DDB2: variants seen among roughly 807,000 people sequenced by gnomAD.
The protein encoded by DDB2 is damage specific DNA binding protein 2.
In DDB2, 27 loss-of-function variants were observed where a neutral mutation model predicts 50.5. The observed-to-expected ratio is 0.53, with a 90% confidence interval of 0.39 to 0.74. The LOEUF (loss-of-function observed/expected upper bound fraction) is 0.74, where lower values mean the gene tolerates loss of function less well. DDB2 is among the 30% of genes least tolerant of loss of function. The probability of loss-of-function intolerance (pLI) is 0.00; values close to 1 mark genes in which losing one functional copy is unlikely to be tolerated. For missense variants in DDB2, 424 were observed against 545.6 expected (o/e 0.78, Z 2.22); for synonymous variants, 176 against 205.5 (o/e 0.86, Z 1.23).
intron 3 of DDB2, among the ~76,000 whole-genome samples, chr11:47,230,170 A>G (rs1953626275): frequency 6.6e-6 from 1 of 150,846 alleles, no homozygotes; most frequent in African/African-American, 2.4e-5. Context: ...ACACACACCT[A>G]TAGCCTATAG....
chr11:47,216,972 G>A lies in DDB2; in HGVS notation c.379G>A (p.Val127Met), dbSNP rs767324814. 13 of 1,613,906 alleles carry A rather than the reference G, an allele frequency of 8.1e-6. No homozygotes were observed. In the East Asian group the frequency reaches 8.9e-5, roughly 11 times the overall value. The change falls in exon 3 of 10, where the codon GTG becomes ATG. Residue 127 changes from valine (V) to methionine (M), a missense_variant. By Grantham distance (21) the Val-to-Met change is conservative. Transcript: ENST00000256996. Reference protein sequence around the residue: ...LAWHPTHPSTVAVGSKGGDIM... With the variant: ...LAWHPTHPSTMAVGSKGGDIM... ...GTGGCACCCAACTCACCCCAGCACC[G>A]TGGCTGTGGGTTCCAAAGGGGGAGA... is the stretch of plus-strand genomic sequence containing the variant.
At chr11:47,216,801 G>C (rs1414183468) in intron 2 of DDB2, 57 bp from the exon 3 acceptor site, 50 of 1,561,890 alleles carry the variant, frequency 3.2e-5, no homozygotes, top group Non-Finnish European at 4.2e-5. Context: ...GCAGAGATTG[G>C]CAGTTTACCC....
Position 47,216,241 on chromosome 11 carries a change from A to G in DDB2, c.128-95A>G, listed in dbSNP as rs778821228. On this transcript the variant is annotated intron_variant, in intron 1 of 9. Coordinates refer to ENST00000256996, the MANE Select transcript of DDB2 (RefSeq NM_000107.3). ...GCAGGAGGTGATGAGACAGAGATTA[A>G]CCGTGCCGAATGAAACAAGGCTTCC... The G allele has an allele frequency of 1.0e-5, 16 of 1,584,178 alleles. 1 individual carries two copies. The South Asian group carries it at 1.3e-4, about 13-fold the overall frequency.
chr11:47,227,894 C>T (rs1953583001), intron 3 of DDB2, among the ~76,000 whole-genome samples: 1 of 151,994 alleles, frequency 6.6e-6, no homozygotes, highest in African/African-American at 2.4e-5. Flanking sequence ...GTAATTCCAG[C>T]ACTTTGGGAG....
chr11:47,231,443 A>G (rs561794517), intron 3 of DDB2, among the ~76,000 whole-genome samples: 1 of 152,254 alleles, frequency 6.6e-6, no homozygotes, highest in Non-Finnish European at 1.5e-5. Context: ...TCTCAGAGGC[A>G]TGATGAGTGA....
rs181404957 is a variant in DDB2, at chr11:47,216,580, C to T, written c.264+108C>T. 150 of 1,504,360 alleles carry T rather than the reference C, an allele frequency of 1.0e-4. 1 individual carries two copies. The East Asian group carries it at 2.2e-3, about 22-fold the overall frequency. 93.2% of individuals were successfully genotyped at this position (1,504,360 alleles called of 1,614,324 possible). On this transcript the variant is annotated intron_variant, in intron 2 of 9. Coordinates refer to ENST00000256996, the MANE Select transcript of DDB2 (RefSeq NM_000107.3). ...GGTTCACCAGCTTGTCAGAGTGGTC[C>T]GATCACCCAGACTGTGGTGACTGGC...
Position 47,216,473 on chromosome 11 carries a change from G to A in DDB2, c.264+1G>A. 6.2e-7 allele frequency: 1 copy of A among 1,612,948 alleles called. No individual in the cohort carries two copies. The highest frequency in any genetic ancestry group is 8.5e-7 in the Non-Finnish European group (1 of 1,180,012). ...AGCTTCCTGGCCATCTGTCCAGCAG[G>A]TAAGGCATTTTTTGCCTCAAGTCCT... On this transcript the variant is annotated splice_donor_variant, in intron 2 of 9. Coordinates refer to ENST00000256996, the MANE Select transcript of DDB2 (RefSeq NM_000107.3). LOFTEE classifies it high-confidence loss of function.
At chr11:47,229,818 CTT>C (rs11376360) in intron 3 of DDB2, 740 of 327,692 alleles carry the variant, frequency 2.3e-3, no homozygotes, top group East Asian at 5.8e-3. Flanking sequence ...GATGGCTCTT[CTT>C]TTTTTTTTTT....
intron 4 of DDB2, among the ~76,000 whole-genome samples, chr11:47,233,740 C>T (rs371586753): frequency 1.4e-4 from 21 of 151,600 alleles, no homozygotes; most frequent in Admixed American, 1.4e-3. Flanking sequence ...ACAGAATACT[C>T]GTCACTTTGA....
At chr11:47,229,835 T>TTC (rs1953618981) in intron 3 of DDB2, 3 of 414,492 alleles carry the variant, frequency 7.2e-6, no homozygotes, top group Admixed American at 3.1e-5. Flanking sequence ...TTTTTTTTTT[T>TTC]CTTCTTCCTA....
intron 1 of DDB2, 65 bp downstream of exon 1, chr11:47,215,328 C>T (rs1953385118): frequency 1.2e-6 from 2 of 1,609,764 alleles, no homozygotes; most frequent in South Asian, 1.1e-5. Flanking sequence ...GAGGCTGCAG[C>T]GGGGGATGGG....
chr11:47,234,472 T>G (rs1953693977), intron 4 of DDB2, 101 bp from the exon 5 acceptor site: 1 of 897,436 alleles, frequency 1.1e-6, no homozygotes, highest in Non-Finnish European at 1.9e-6. Context: ...CAACAAATAT[T>G]TATTGAATGC....
chr11:47,219,883 G>A (rs1049972971), intron 3 of DDB2, among the ~76,000 whole-genome samples: 2 of 152,134 alleles, frequency 1.3e-5, no homozygotes, highest in Non-Finnish European at 1.5e-5. Context: ...CGCCTCCCAG[G>A]TTCACGCGAT....
intron 7 of DDB2, 105 bp downstream of exon 7, chr11:47,235,517 A>C: frequency 7.9e-7 from 1 of 1,272,362 alleles, no homozygotes; most frequent in Non-Finnish European, 1.1e-6. Flanking sequence ...CTGCCACCCC[A>C]GATCGCTCCT....
At chr11:47,222,514 T>A (rs147370403) in intron 3 of DDB2, among the ~76,000 whole-genome samples, 46 of 152,340 alleles carry the variant, frequency 3.0e-4, no homozygotes, top group Middle Eastern at 3.4e-3. Flanking sequence ...TGGCTAATTT[T>A]AAAATTTTGT....
intron 3 of DDB2, among the ~76,000 whole-genome samples, chr11:47,221,201 G>C (rs1953479796): frequency 6.6e-6 from 1 of 151,646 alleles, no homozygotes; most frequent in Non-Finnish European, 1.5e-5. Flanking sequence ...ATAAAATACA[G>C]AGAAAAGTGT....
Position 47,215,114 on chromosome 11 carries a change from T to A in DDB2, c.-23T>A. On this transcript the variant is annotated 5_prime_UTR_variant, in exon 1 of 10. Transcript: ENST00000256996. ...TCCATGATCTTCGCATAGAGCACAG[T>A]ACCCCTTCACACGGAGGACGCGATG... 1.2e-6 allele frequency: 2 copies of A among 1,613,662 alleles called. No individual in the cohort carries two copies. Among genetic ancestry groups the A allele is most frequent in the Non-Finnish European group, 1.7e-6 (2 of 1,179,804 alleles).
chr11:47,237,247 T>G (rs114570667), intron 7 of DDB2, among the ~76,000 whole-genome samples: 1 of 152,170 alleles, frequency 6.6e-6, no homozygotes, highest in Admixed American at 6.5e-5. Context: ...TTAAAACGTT[T>G]ACCAGTTGGT....
At chr11:47,215,536 C>T (rs113808506) in intron 1 of DDB2, 3 of 475,824 alleles carry the variant, frequency 6.3e-6, no homozygotes, top group African/African-American at 2.0e-5. Flanking sequence ...ACAGTTAGGA[C>T]GGCTTCAGAG....
Sources: gnomAD v4.1 joint callset for allele counts (sites outside exome capture counted in the v4.1 genomes callset) on GRCh38, gnomAD v4.1.1 for gene constraint, MANE v1.5 for transcripts, NCBI Gene and HGNC (gene_info 2026-07-23, HGNC 2026-07-21) for gene names.